The following SMIM44 variants were observed in gnomAD, a reference collection of about 807,000 sequenced individuals.
SMIM44 encodes small integral membrane protein 44.
the SMIM44 span, chr19:3,483,085 GC>G: frequency 2.5e-6 from 1 of 398,500 alleles, no homozygotes; most frequent in Non-Finnish European, 4.4e-6. Context: ...CAACTCCCCG[GC>G]CCCGGCCACC....
At chr19:3,483,433 A>AGGTG in the SMIM44 span, 2 of 397,452 alleles carry the variant, frequency 5.0e-6, no homozygotes, top group Non-Finnish European at 8.9e-6. Context: ...GGAGGCCCGG[A>AGGTG]GGTGACCCAC....
the SMIM44 span, chr19:3,483,067 T>A: frequency 2.5e-6 from 1 of 398,484 alleles, no homozygotes; most frequent in Non-Finnish European, 4.4e-6. Context: ...GCAAGGGAGC[T>A]GGTGAGGCAA....
At chr19:3,483,338 C>T in the SMIM44 span, 2 of 398,160 alleles carry the variant, frequency 5.0e-6, no homozygotes, top group Admixed American at 4.4e-5. Context: ...GCGGCCGGTA[C>T]TCCTCGTACA....
the SMIM44 span, chr19:3,483,001 G>A: frequency 4.0e-5 from 16 of 398,436 alleles, no homozygotes; most frequent in East Asian, 4.6e-4. Context: ...AGGCTGGGGC[G>A]CAGCTCCCGG....
the SMIM44 span, chr19:3,482,831 G>A: frequency 2.5e-6 from 1 of 397,972 alleles, no homozygotes; most frequent in Middle Eastern, 6.3e-4. Flanking sequence ...TCCAGAAGGA[G>A]CTTCGGGATG....
the SMIM44 span, chr19:3,482,899 A>T: frequency 7.6e-6 from 3 of 397,060 alleles, no homozygotes; most frequent in African/African-American, 6.2e-5. Context: ...GGGGGTTCAG[A>T]GGGGGCTCCC....
the SMIM44 span, chr19:3,483,090 G>A: frequency 1.1e-4 from 43 of 398,476 alleles, no homozygotes; most frequent in Middle Eastern, 6.3e-4. Flanking sequence ...CCCCGGCCCC[G>A]GCCACCCTCC....
the SMIM44 span, chr19:3,483,383 C>G: frequency 5.0e-6 from 2 of 398,056 alleles, no homozygotes; most frequent in Non-Finnish European, 8.9e-6. Flanking sequence ...CGGCCTCCCC[C>G]TCGGCCGCCA....
the SMIM44 span, among the ~76,000 whole-genome samples, chr19:3,482,260 G>A: frequency 6.6e-6 from 1 of 152,354 alleles, no homozygotes; most frequent in African/African-American, 2.4e-5. Context: ...CCCAGCAGCC[G>A]AGGCGGGGGC....
the SMIM44 span, chr19:3,482,728 G>A: frequency 7.6e-6 from 3 of 397,212 alleles, no homozygotes; most frequent in Non-Finnish European, 1.3e-5. Context: ...GCAGCTCAGG[G>A]TTTGCAGAAA....
the SMIM44 span, chr19:3,482,818 G>T: frequency 6.3e-5 from 25 of 397,734 alleles, 1 homozygote; most frequent in Non-Finnish European, 1.1e-4. Flanking sequence ...GTTGCCATCA[G>T]CTTCCAGAAG....
At chr19:3,483,273 G>A in the SMIM44 span, 2 of 398,322 alleles carry the variant, frequency 5.0e-6, no homozygotes, top group Non-Finnish European at 8.9e-6. Context: ...CACCACCAGC[G>A]CGGCCAGCAG....
the SMIM44 span, chr19:3,482,936 G>T: frequency 2.5e-6 from 1 of 398,210 alleles, no homozygotes; most frequent in Non-Finnish European, 4.4e-6. Flanking sequence ...CGTCCTCCTC[G>T]CCCTGCCAGG....
At chr19:3,482,306 G>C in the SMIM44 span, among the ~76,000 whole-genome samples, 6 of 152,316 alleles carry the variant, frequency 3.9e-5, no homozygotes, top group South Asian at 2.1e-4. Flanking sequence ...CCCAGCAGAG[G>C]GGGTGGGGGC....
chr19:3,482,632 G>T, the SMIM44 span, among the ~76,000 whole-genome samples: 2 of 152,218 alleles, frequency 1.3e-5, no homozygotes, highest in African/African-American at 4.8e-5. Context: ...GGCTGAGCCG[G>T]GCAGGCTCTG....
the SMIM44 span, among the ~76,000 whole-genome samples, chr19:3,482,152 C>A: frequency 6.6e-6 from 1 of 152,224 alleles, no homozygotes; most frequent in South Asian, 2.1e-4. Context: ...CTGTGTATCC[C>A]GTCTTGTGCA....
the SMIM44 span, among the ~76,000 whole-genome samples, chr19:3,482,230 A>AC: frequency 1.3e-5 from 2 of 151,840 alleles, no homozygotes; most frequent in Admixed American, 1.3e-4. Context: ...AGTCAGGACC[A>AC]CCCCCCAGAG....
At chr19:3,483,272 C>G in the SMIM44 span, 6 of 398,374 alleles carry the variant, frequency 1.5e-5, no homozygotes, top group Non-Finnish European at 2.7e-5. Context: ...CCACCACCAG[C>G]GCGGCCAGCA....
chr19:3,483,207 A>C, the SMIM44 span: 1 of 398,386 alleles, frequency 2.5e-6, no homozygotes, highest in African/African-American at 2.1e-5. Flanking sequence ...CTCACCGGCC[A>C]GGTCGTGGGC....
Sources: allele counts gnomAD v4.1 joint callset (sites outside exome capture counted in the v4.1 genomes callset), GRCh38; gene constraint gnomAD v4.1.1; transcripts MANE v1.5; gene names NCBI Gene and HGNC (gene_info 2026-07-23, HGNC 2026-07-21).